The following PIKFYVE variants were observed in gnomAD, a reference collection of about 807,000 sequenced individuals.
PIKFYVE encodes the protein 1-phosphatidylinositol 3-phosphate 5-kinase.
A neutral mutation model predicts 257.9 loss-of-function variants in PIKFYVE; 122 were observed. The observed-to-expected ratio is 0.47, with a 90% CI of 0.41 to 0.55. PIKFYVE has a LOEUF of 0.55. PIKFYVE is among the 20% of genes least tolerant of loss of function. The pLI, the probability that PIKFYVE is intolerant of heterozygous loss-of-function variation, is 0.00. For synonymous variants in PIKFYVE, 892 were observed against 868.9 expected, an observed-to-expected ratio of 1.03 and a Z score of -0.47; for missense variants, 2,160 against 2,536.6, an observed-to-expected ratio of 0.85 and a Z score of 3.19.
chr2:208,301,011 C>T lies in PIKFYVE; in HGVS notation c.1125C>T (p.Arg375=), dbSNP rs1202286648. Residue 375 remains arginine (R), a synonymous_variant, in exon 9 of 42, where the codon CGC becomes CGT. Coordinates refer to ENST00000264380, the MANE Select transcript of PIKFYVE (RefSeq NM_015040.4). The part of the protein sequence containing the change: ...HSSGMEFQDH[R]YWLRTHPNCI... ...GTGGAATGGAGTTTCAGGATCACCG[C>T]TACTGGTTGAGAACGCATCCCAACT... 2 of 1,614,028 alleles carry T rather than the reference C, an allele frequency of 1.2e-6. No individual in the cohort carries two copies. The highest frequency in any genetic ancestry group is 1.3e-5 in the African/African-American group (1 of 74,916).
Position 208,304,083 on chromosome 2 carries a change from A to G in PIKFYVE, c.1321-88A>G, listed in dbSNP as rs1031836093. ...ATTCAATTGTTAGGTTCATAGAAAT[A>G]TTGGACTACAATTTATTTATAGTGT... On this transcript the variant is annotated intron_variant, in intron 10 of 41. Transcript: ENST00000264380. The G allele has an allele frequency of 3.5e-6, 5 of 1,444,404 alleles. No individual in the cohort carries two copies. In the Admixed American group the frequency reaches 8.4e-5, roughly 24 times the overall value. 89.5% of individuals were successfully genotyped at this position (1,444,404 alleles called of 1,614,324 possible). A position where few individuals can be genotyped will look rare whatever the true frequency, so the allele number is the denominator to read the frequency against.
At chr2:208,272,487 CTG>C (rs1323275364) in intron 2 of PIKFYVE, among the ~76,000 whole-genome samples, 3 of 152,060 alleles carry the variant, frequency 2.0e-5, no homozygotes, top group African/African-American at 7.2e-5. Flanking sequence ...TGACTTAAAA[CTG>C]TTAGACTAAG....
In PIKFYVE at chr2:208,324,270, T is replaced by A. The variant is rs1483489131; in HGVS notation, c.2319T>A (p.Ile773=). ...TGGAACATGGCATTACTTTGGTCATTAATGTAAAGTCAGTGAGTGTTTTTA... is the reference window on the plus strand; with the variant it reads ...TGGAACATGGCATTACTTTGGTCATAAATGTAAAGTCAGTGAGTGTTTTTA... The part of the protein sequence containing the change: ...MLLEHGITLV[I]NVKSQVLERI... Residue 773 remains isoleucine, a synonymous_variant, in exon 18 of 42, where the codon ATT becomes ATA. Coordinates refer to ENST00000264380, the MANE Select transcript of PIKFYVE (RefSeq NM_015040.4). 1 of 1,613,824 alleles carries A rather than the reference T, an allele frequency of 6.2e-7. No homozygotes were observed. Among genetic ancestry groups the A allele is most frequent in the Non-Finnish European group, 8.5e-7 (1 of 1,179,834 alleles).
intron 1 of PIKFYVE, among the ~76,000 whole-genome samples, chr2:208,268,302 C>G (rs1287015745): frequency 1.3e-5 from 2 of 151,952 alleles, no homozygotes; most frequent in Non-Finnish European, 2.9e-5. Flanking sequence ...AGAAGTAATT[C>G]TAAGACTCTT....
chr2:208,312,921 G>C (rs1695083216), intron 13 of PIKFYVE, among the ~76,000 whole-genome samples: 1 of 152,200 alleles, frequency 6.6e-6, no homozygotes, highest in Non-Finnish European at 1.5e-5. Flanking sequence ...TCAGATCAAA[G>C]AGAGAAGGCA....
At chr2:208,276,579 C>G (rs913025256) in intron 3 of PIKFYVE, 133 bp from the exon 4 acceptor site, 20 of 761,416 alleles carry the variant, frequency 2.6e-5, no homozygotes, top group Non-Finnish European at 4.6e-5. Context: ...TTTTAACTCT[C>G]AATTCATATA....
intron 12 of PIKFYVE, 27 bp from the exon 13 acceptor site, chr2:208,312,209 C>G (rs190328374): frequency 6.4e-7 from 1 of 1,567,816 alleles, no homozygotes; most frequent in South Asian, 1.1e-5. Context: ...TTTTGTTCCT[C>G]CTCTCTGTTG....
At chr2:208,296,041 G>C (rs1456064578) in intron 7 of PIKFYVE, among the ~76,000 whole-genome samples, 1 of 151,752 alleles carries the variant, frequency 6.6e-6, no homozygotes, top group Non-Finnish European at 1.5e-5. Context: ...GTCTCGCTTT[G>C]TTGCCCAGGC....
intron 17 of PIKFYVE, among the ~76,000 whole-genome samples, chr2:208,322,374 T>TAAAAAAA (rs11471825): frequency 1.0e-5 from 1 of 97,806 alleles, no homozygotes; most frequent in Non-Finnish European, 1.9e-5. Flanking sequence ...CCCTGTCTCT[T>TAAAAAAA]AAAAAAAAAA....
Position 208,279,070 on chromosome 2 carries a change from T to G in PIKFYVE, c.613+1362T>G, listed in dbSNP as rs527338712. ...TTCTCTGCAGCTTTACCAGCATTCG[T>G]TTTTTGGCTTTTTAATAACAGCCAT... is the stretch of plus-strand genomic sequence containing the variant. On this transcript the variant is annotated intron_variant, in intron 5 of 41. Coordinates refer to ENST00000264380, the MANE Select transcript of PIKFYVE (RefSeq NM_015040.4). Among the ~76,000 whole-genome samples, 32 of 152,274 alleles carry G rather than the reference T, an allele frequency of 2.1e-4. No individual in the cohort carries two copies. The South Asian group carries it at 6.2e-3, about 30-fold the overall frequency.
chr2:208,307,317 G>A (rs1351181216), intron 12 of PIKFYVE, among the ~76,000 whole-genome samples: 1 of 152,146 alleles, frequency 6.6e-6, no homozygotes, highest in Non-Finnish European at 1.5e-5. Flanking sequence ...ACTAAAAGAA[G>A]GCTTCTTTTT....
chr2:208,274,161 G>A, intron 3 of PIKFYVE: 1 of 1,227,230 alleles, frequency 8.1e-7, no homozygotes, highest in South Asian at 1.3e-5. Flanking sequence ...TTATTGGGCT[G>A]CCACTTGCTC....
chr2:208,269,543 T>C, intron 1 of PIKFYVE: 2 of 282,920 alleles, frequency 7.1e-6, no homozygotes, highest in Non-Finnish European at 1.4e-5. Flanking sequence ...GTGCCTTGGT[T>C]CTGCTTCTTG....
intron 20 of PIKFYVE, among the ~76,000 whole-genome samples, chr2:208,326,854 C>G (rs1418874416): frequency 6.6e-6 from 1 of 152,064 alleles, no homozygotes; most frequent in Non-Finnish European, 1.5e-5. Context: ...AAAAAGTTAG[C>G]TCTTTTTTTA....
chr2:208,303,756 A>C (rs547477562), intron 10 of PIKFYVE, among the ~76,000 whole-genome samples: 20 of 152,206 alleles, frequency 1.3e-4, no homozygotes, highest in Non-Finnish European at 2.6e-4. Context: ...AAAATTCGAA[A>C]GTCAATGGTT....
intron 1 of PIKFYVE, among the ~76,000 whole-genome samples, chr2:208,266,786 C>T (rs1290941699): frequency 6.6e-6 from 1 of 152,310 alleles, no homozygotes; most frequent in East Asian, 1.9e-4. Flanking sequence ...GTCAGAGGCG[C>T]ATCCGTAGGC....
Position 208,285,734 on chromosome 2 carries a change from C to A in PIKFYVE, c.622C>A (p.Arg208=), listed in dbSNP as rs749074992. The A allele has an allele frequency of 1.9e-5, 30 of 1,613,534 alleles. No homozygotes were observed. Among genetic ancestry groups the A allele is most frequent in the Non-Finnish European group, 2.5e-5 (30 of 1,179,598 alleles). Residue 208 remains arginine (R), a synonymous_variant, in exon 6 of 42, where the codon CGA becomes AGA. Coordinates refer to ENST00000264380, the MANE Select transcript of PIKFYVE (RefSeq NM_015040.4). ...TTGTTTTTTTCTCCTAGGAGACCTC[C>A]GAGCTTGCACATATTGTAGAAAAAT... The part of the protein sequence containing the change: ...GKFMGYTGDL[R]ACTYCRKIAL...
At chr2:208,294,885 C>T (rs1003388585) in intron 7 of PIKFYVE, among the ~76,000 whole-genome samples, 1 of 152,186 alleles carries the variant, frequency 6.6e-6, no homozygotes, top group Non-Finnish European at 1.5e-5. Flanking sequence ...CTGCTGGAAG[C>T]CAGAAGCCGG....
intron 31 of PIKFYVE, among the ~76,000 whole-genome samples, chr2:208,341,906 A>G (rs1698742488): frequency 6.6e-6 from 1 of 151,052 alleles, no homozygotes; most frequent in Non-Finnish European, 1.5e-5. Flanking sequence ...TATTTATTGG[A>G]TTATCTGTTT....
Sources: allele counts gnomAD v4.1 joint callset (sites outside exome capture counted in the v4.1 genomes callset), GRCh38; gene constraint gnomAD v4.1.1; transcripts MANE v1.5; gene names NCBI Gene and HGNC (gene_info 2026-07-23, HGNC 2026-07-21).